Variants in GARRE1 observed in about 807,000 individuals in gnomAD.
GARRE1 encodes the protein granule associated Rac and RHOG effector protein 1.
GARRE1 carries 49 observed loss-of-function variants against 103.2 expected under a neutral mutation model. The observed-to-expected ratio is 0.47, with a 90% CI of 0.38 to 0.60. GARRE1 has a LOEUF of 0.60. GARRE1 is among the 20% of genes least tolerant of loss of function. GARRE1 has a pLI of 0.00. For missense variants in GARRE1, 1,199 were observed against 1,370.5 expected (o/e 0.87, Z 1.98); for synonymous variants, 505 against 532.8 (o/e 0.95, Z 0.72).
chr19:34,345,678 C>T (rs1434810002), intron 10 of GARRE1, among the ~76,000 whole-genome samples: 1 of 152,072 alleles, frequency 6.6e-6, no homozygotes, highest in Non-Finnish European at 1.5e-5. Context: ...AAAAATTAGC[C>T]AGGTGTGGTG....
intron 1 of GARRE1, among the ~76,000 whole-genome samples, chr19:34,268,767 C>A (rs574529650): frequency 3.3e-5 from 5 of 151,958 alleles, no homozygotes; most frequent in African/African-American, 1.2e-4. Context: ...TTGAGACTGG[C>A]CTGGGCAACA....
Position 34,333,934 on chromosome 19 carries a change from G to A in GARRE1, c.1361+133G>A, listed in dbSNP as rs192719395. On this transcript the variant is annotated intron_variant, in intron 8 of 13. Transcript: ENST00000299505. ...GTCTTGCTGCATGTGCAGGTTTATG[G>A]GCAGCAGTGGTATGTTAGTGGCATG... The A allele has an allele frequency of 4.4e-6, 3 of 676,816 alleles. No homozygotes were observed. In the African/African-American group the frequency reaches 5.4e-5, roughly 12 times the overall value. 41.9% of individuals were successfully genotyped at this position (676,816 alleles called of 1,614,324 possible).
In GARRE1 at chr19:34,351,564, T is replaced by C. The variant is rs748514968; in HGVS notation, c.2876T>C (p.Leu959Pro). ...QDTSTLPSPP[L>P]LTTVEDVNQD... is the part of the protein sequence containing the mutation. Reference sequence around the variant, plus strand: ...ACCAGCACGCTGCCCTCACCACCTCTCCTCACCACGGTGGAGGATGTGAAC... The same window carrying C: ...ACCAGCACGCTGCCCTCACCACCTCCCCTCACCACGGTGGAGGATGTGAAC... Residue 959 changes from leucine to proline, a missense_variant, in exon 13 of 14, where the codon CTC (leucine) becomes CCC (proline). Physicochemically the swap from Leu to Pro is moderately conservative, Grantham distance 98 (BLOSUM62 -3). Transcript: ENST00000299505. 1.9e-6 allele frequency: 3 copies of C among 1,613,784 alleles called. No individual in the cohort carries two copies. The Admixed American group carries it at 5.0e-5, about 27-fold the overall frequency.
intron 10 of GARRE1, among the ~76,000 whole-genome samples, chr19:34,344,695 CAG>C (rs1219599091): frequency 3.3e-5 from 5 of 151,550 alleles, no homozygotes; most frequent in South Asian, 2.1e-4. Flanking sequence ...TTTTTTGAGA[CAG>C]AGTCTCACGT....
At chr19:34,277,392 C>T (rs934564485) in intron 1 of GARRE1, among the ~76,000 whole-genome samples, 1 of 152,160 alleles carries the variant, frequency 6.6e-6, no homozygotes. Context: ...AGAATCCTAA[C>T]TCACTTAGAC....
In GARRE1 at chr19:34,342,392, A is replaced by G. The variant is rs752047537; in HGVS notation, c.2458A>G (p.Asn820Asp). The G allele has an allele frequency of 6.2e-7, 1 of 1,614,210 alleles. No individual in the cohort carries two copies. The highest frequency in any genetic ancestry group is 8.5e-7 in the Non-Finnish European group (1 of 1,180,044). ...GGGACCTAGAAATAACACCTGGCCC[A>G]ACCGTGACCAAAGTGATGGAGTCTT... is the stretch of plus-strand genomic sequence containing the variant. ...PQGPRNNTWP[N>D]RDQSDGVFGM... Residue 820 changes from asparagine (N) to aspartate (D), a missense_variant, in exon 10 of 14, where the codon AAC (asparagine) becomes GAC (aspartate). Physicochemically the swap from Asn to Asp is conservative, Grantham distance 23 (BLOSUM62 1). Transcript: ENST00000299505.
intron 1 of GARRE1, among the ~76,000 whole-genome samples, chr19:34,272,975 G>C (rs1285617252): frequency 6.6e-6 from 1 of 152,190 alleles, no homozygotes; most frequent in Non-Finnish European, 1.5e-5. Flanking sequence ...AGGCCAAGGA[G>C]GTTGGATCAC....
intron 11 of GARRE1, 127 bp downstream of exon 11, chr19:34,348,169 AGAGAG>A: frequency 2.5e-6 from 2 of 790,582 alleles, no homozygotes; most frequent in Non-Finnish European, 1.8e-6. Context: ...CCCCCATGTG[AGAGAG>A]TGACATGGGA....
chr19:34,286,432 G>A (rs1454931616), intron 1 of GARRE1, among the ~76,000 whole-genome samples: 1 of 151,944 alleles, frequency 6.6e-6, no homozygotes, highest in Non-Finnish European at 1.5e-5. Context: ...TGTTAGCCAG[G>A]ATGGTCTCGA....
At position 34,355,325 on chromosome 19, in the gene GARRE1, C is replaced by G. The variant is rs2074266319; in HGVS notation, c.*2370C>G. On this transcript the variant is annotated 3_prime_UTR_variant, in exon 14 of 14. Transcript: ENST00000299505. Reference sequence around the variant, plus strand: ...GCTGTGTTCCCGGCACCGCCTTGCTCTGAACACTGGTAATTCCAGGTGCTG... The same window carrying G: ...GCTGTGTTCCCGGCACCGCCTTGCTGTGAACACTGGTAATTCCAGGTGCTG... The G allele has an allele frequency of 6.5e-6, 1 of 152,716 alleles. No individual in the cohort carries two copies. Among genetic ancestry groups the G allele is most frequent in the South Asian group, 2.1e-4 (1 of 4,832 alleles). 9.5% of individuals were successfully genotyped at this position (152,716 alleles called of 1,614,324 possible).
At chr19:34,339,147 G>A (rs2074174201) in intron 8 of GARRE1, among the ~76,000 whole-genome samples, 1 of 152,284 alleles carries the variant, frequency 6.6e-6, no homozygotes, top group South Asian at 2.1e-4. Context: ...GAATCAGAGT[G>A]TCTGAGCTAG....
chr19:34,292,254 A>G (rs1237801276), intron 1 of GARRE1, among the ~76,000 whole-genome samples: 2 of 152,192 alleles, frequency 1.3e-5, no homozygotes, highest in East Asian at 1.9e-4. Context: ...GGCTTCTTTC[A>G]CTTAGCACAG....
intron 1 of GARRE1, among the ~76,000 whole-genome samples, chr19:34,259,983 G>C (rs1162276347): frequency 1.3e-5 from 2 of 152,312 alleles, no homozygotes; most frequent in East Asian, 3.9e-4. Context: ...CTTCTGCCAT[G>C]AATATGTTTT....
rs1409619391 is a variant in GARRE1, at chr19:34,342,251, TCTC to T, written c.2321_2323del (p.Pro774del). 6.2e-7 allele frequency: 1 copy of T among 1,614,048 alleles called. No homozygotes were observed. Among genetic ancestry groups the T allele is most frequent in the Non-Finnish European group, 8.5e-7 (1 of 1,180,038 alleles). ...AGCGCAGGCTGTTGGAGCAGGTCTG[TCTC>T]CTCTTGGTCAGTGGCCTGGCATATC... On this transcript the variant is annotated inframe_deletion, in exon 10 of 14. Coordinates refer to ENST00000299505, the MANE Select transcript of GARRE1 (RefSeq NM_014686.5).
intron 1 of GARRE1, among the ~76,000 whole-genome samples, chr19:34,290,872 T>C: frequency 7.7e-6 from 1 of 130,362 alleles, no homozygotes. Flanking sequence ...GAAAGCATAT[T>C]GCTTTTTTTT....
chr19:34,312,191 T>G (rs2074040409), intron 2 of GARRE1, among the ~76,000 whole-genome samples: 1 of 152,156 alleles, frequency 6.6e-6, no homozygotes, highest in African/African-American at 2.4e-5. Context: ...GAAGACTAGT[T>G]AAGGGGCTAT....
intron 2 of GARRE1, among the ~76,000 whole-genome samples, chr19:34,316,334 TC>T (rs2074060386): frequency 6.6e-6 from 1 of 152,100 alleles, no homozygotes; most frequent in South Asian, 2.1e-4. Context: ...CTCCCCAGCT[TC>T]CCCCATGTGT....
intron 1 of GARRE1, among the ~76,000 whole-genome samples, chr19:34,256,884 A>T (rs939540018): frequency 1.3e-5 from 2 of 150,224 alleles, no homozygotes; most frequent in African/African-American, 4.9e-5. Context: ...CATGTTTGAG[A>T]TTTTTTTTTT....
At chr19:34,344,900 G>A (rs767557589) in intron 10 of GARRE1, among the ~76,000 whole-genome samples, 8 of 151,158 alleles carry the variant, frequency 5.3e-5, no homozygotes, top group South Asian at 2.1e-4. Flanking sequence ...GTGCAGTGGC[G>A]CGATCTCGGC....
Sources: allele counts gnomAD v4.1 joint callset (sites outside exome capture counted in the v4.1 genomes callset), GRCh38; gene constraint gnomAD v4.1.1; transcripts MANE v1.5; gene names NCBI Gene and HGNC (gene_info 2026-07-23, HGNC 2026-07-21).